Variants in SP3 observed in about 807,000 individuals in gnomAD.
SP3 encodes transcription factor Sp3.
In SP3, 10 loss-of-function variants were observed where a neutral mutation model predicts 70.3. The ratio of observed to expected loss-of-function variants is 0.14; its 90% CI spans 0.09 to 0.24. The LOEUF (loss-of-function observed/expected upper bound fraction) is 0.24, where lower values mean the gene tolerates loss of function less well. Among genes scored for constraint, SP3 ranks in the 10% least tolerant of loss-of-function variants. The probability of loss-of-function intolerance (pLI) is 1.00; values close to 1 mark genes in which losing one functional copy is unlikely to be tolerated. For missense variants in SP3, 825 were observed against 914.6 expected, an observed-to-expected ratio of 0.90 and a Z score of 1.26; for synonymous variants, 402 against 333.5, an observed-to-expected ratio of 1.21 and a Z score of -2.24.
intron 3 of SP3, chr2:173,963,030 G>C (rs1691135690): frequency 6.6e-6 from 1 of 152,140 alleles, no homozygotes; most frequent in African/African-American, 2.4e-5. Flanking sequence ...TCAGCTATAA[G>C]TATTGTACTA....
At chr2:173,935,980 C>T (rs977340217) in intron 4 of SP3, among the ~76,000 whole-genome samples, 13 of 151,328 alleles carry the variant, frequency 8.6e-5, no homozygotes, top group Non-Finnish European at 1.5e-4. Flanking sequence ...TTCCTTCCTT[C>T]CTTACTTTCT....
chr2:173,955,450 A>G lies in SP3; in HGVS notation c.1062T>C (p.Asn354=). 1.2e-6 allele frequency: 2 copies of G among 1,614,124 alleles called. No homozygotes were observed. Among genetic ancestry groups the G allele is most frequent in the Non-Finnish European group, 1.7e-6 (2 of 1,180,024 alleles). Residue 354 remains asparagine (N), a synonymous_variant, in exon 4 of 7, where the codon AAT becomes AAC. Transcript: ENST00000310015. The stretch of plus-strand genomic sequence containing the variant: ...CCTGCCCACTAGATGTAGTCAAGCT[A>G]TTTGTGTTTTGTTGTAATATACCTG... The part of the protein sequence containing the change: ...DSTGILQQNT[N]SLTTSSGQVH...
At position 173,955,171 on chromosome 2, in the gene SP3, G is replaced by C. The variant is rs1474980945; in HGVS notation, c.1341C>G (p.Thr447=). Residue 447 remains threonine (T), a synonymous_variant, in exon 4 of 7, where the codon ACC becomes ACG. Transcript: ENST00000310015. The part of the protein sequence containing the change: ...QNLQLQLNPG[T]FLIQAQTVTP... ...TCACTGTCTGTGCCTGAATTAAAAAGGTTCCAGGATTCAGCTGCAACTGAA... is the reference window on the plus strand; with the variant it reads ...TCACTGTCTGTGCCTGAATTAAAAACGTTCCAGGATTCAGCTGCAACTGAA... 1.9e-6 allele frequency: 3 copies of C among 1,614,166 alleles called. No individual in the cohort carries two copies. The highest frequency in any genetic ancestry group is 2.5e-6 in the Non-Finnish European group (3 of 1,180,036).
intron 4 of SP3, among the ~76,000 whole-genome samples, chr2:173,940,760 C>T (rs1690349535): frequency 6.6e-6 from 1 of 152,210 alleles, no homozygotes; most frequent in South Asian, 2.1e-4. Flanking sequence ...ATGACCACTT[C>T]ATACCTTCTT....
chr2:173,954,726 G>A (rs1690822175), intron 4 of SP3, 147 bp downstream of exon 4: 1 of 732,670 alleles, frequency 1.4e-6, no homozygotes, highest in Non-Finnish European at 2.2e-6. Context: ...ATACTTTGAT[G>A]TCTACTTTCA....
Position 173,965,327 on chromosome 2 carries a change from A to G in SP3, c.-156T>C. The G allele has an allele frequency of 1.2e-6, 1 of 858,336 alleles. No individual in the cohort carries two copies. 53.2% of individuals were successfully genotyped at this position (858,336 alleles called of 1,614,324 possible). Reference sequence around the variant, plus strand: ...TCCTATTTTGATTGACTGTGCGGGAAACACAAAAGGTGGAGCCTCCAGCCC... The same window carrying G: ...TCCTATTTTGATTGACTGTGCGGGAGACACAAAAGGTGGAGCCTCCAGCCC... On this transcript the variant is annotated 5_prime_UTR_variant, in exon 1 of 7. Transcript: ENST00000310015.
At chr2:173,920,762 T>C (rs1231301405) in intron 4 of SP3, among the ~76,000 whole-genome samples, 2 of 152,174 alleles carry the variant, frequency 1.3e-5, no homozygotes, top group African/African-American at 4.8e-5. Flanking sequence ...AGCTAGTTTT[T>C]GTATTTTTAG....
chr2:173,948,245 GT>G (rs1447372535), intron 4 of SP3, among the ~76,000 whole-genome samples: 1 of 152,102 alleles, frequency 6.6e-6, no homozygotes, highest in African/African-American at 2.4e-5. Context: ...TTCCACAATG[GT>G]TTGTTACCCA....
chr2:173,925,082 T>C (rs1007002232), intron 4 of SP3, among the ~76,000 whole-genome samples: 5 of 152,174 alleles, frequency 3.3e-5, no homozygotes, highest in Non-Finnish European at 4.4e-5. Flanking sequence ...GAGACCGAGT[T>C]TCGCCATGTT....
At chr2:173,954,022 A>G (rs1166728253) in intron 4 of SP3, among the ~76,000 whole-genome samples, 5 of 152,230 alleles carry the variant, frequency 3.3e-5, no homozygotes, top group African/African-American at 4.8e-5. Flanking sequence ...AAGTGTCCCA[A>G]TTTAAGAGTT....
Position 173,908,734 on chromosome 2 carries a change from T to C in SP3, c.*1207A>G, listed in dbSNP as rs1034668820. ...GCTCTTACAAGACCAGCAATGTAAC[T>C]TTATTTTGTACATTTTTGAATTGAA... On this transcript the variant is annotated 3_prime_UTR_variant, in exon 7 of 7. Transcript: ENST00000310015. 6.6e-6 allele frequency: 1 copy of C among 152,368 alleles called. No individual in the cohort carries two copies. The highest frequency in any genetic ancestry group is 1.5e-5 in the Non-Finnish European group (1 of 67,868). 9.4% of individuals were successfully genotyped at this position (152,368 alleles called of 1,614,324 possible).
Position 173,965,349 on chromosome 2 carries a change from G to A in SP3, c.-178C>T, listed in dbSNP as rs1691261342. 2.9e-6 allele frequency: 2 copies of A among 691,530 alleles called. No homozygotes were observed. The highest frequency in any genetic ancestry group is 4.8e-6 in the Non-Finnish European group (2 of 414,098). 42.8% of individuals were successfully genotyped at this position (691,530 alleles called of 1,614,324 possible). On this transcript the variant is annotated 5_prime_UTR_variant, in exon 1 of 7. Coordinates refer to ENST00000310015, the MANE Select transcript of SP3 (RefSeq NM_003111.5). ...GGAAACACAAAAGGTGGAGCCTCCA[G>A]CCCAAAAGGGGGGAAGAGGGTGACA...
chr2:173,936,003 A>AT (rs1429231505), intron 4 of SP3, among the ~76,000 whole-genome samples: 1 of 152,032 alleles, frequency 6.6e-6, no homozygotes, highest in Non-Finnish European at 1.5e-5. Context: ...CTGTTTAAAT[A>AT]AAGTAGCCCC....
intron 4 of SP3, among the ~76,000 whole-genome samples, chr2:173,920,455 T>C (rs192577596): frequency 6.6e-6 from 1 of 152,098 alleles, no homozygotes; most frequent in African/African-American, 2.4e-5. Flanking sequence ...TCAAGCAAAT[T>C]CATCAACTGT....
At chr2:173,963,382 C>G (rs1162235582) in intron 3 of SP3, 2 of 152,236 alleles carry the variant, frequency 1.3e-5, no homozygotes, top group Non-Finnish European at 2.9e-5. Flanking sequence ...ATAATAAAAA[C>G]TAAAGACATT....
chr2:173,939,013 T>C (rs775354989), intron 4 of SP3, among the ~76,000 whole-genome samples: 9 of 152,078 alleles, frequency 5.9e-5, no homozygotes, highest in Non-Finnish European at 1.2e-4. Flanking sequence ...CTCCTCAACA[T>C]CCTACAATGC....
chr2:173,954,835 C>G (rs747909002), intron 4 of SP3, 38 bp downstream of exon 4: 2 of 1,588,602 alleles, frequency 1.3e-6, no homozygotes, highest in East Asian at 2.3e-5. Context: ...TGTATTATCA[C>G]TGAACTTATT....
At chr2:173,932,618 G>C (rs1690097701) in intron 4 of SP3, among the ~76,000 whole-genome samples, 1 of 152,096 alleles carries the variant, frequency 6.6e-6, no homozygotes, top group African/African-American at 2.4e-5. Flanking sequence ...ACCTTCTATG[G>C]GTGCATGGTC....
intron 4 of SP3, among the ~76,000 whole-genome samples, chr2:173,953,842 A>T (rs146726155): frequency 7.8e-4 from 118 of 151,156 alleles, no homozygotes; most frequent in African/African-American, 2.7e-3. Flanking sequence ...CCCAACCCCT[A>T]AAAAAAAATA....
Sources: allele counts gnomAD v4.1 joint callset (sites outside exome capture counted in the v4.1 genomes callset), GRCh38; gene constraint gnomAD v4.1.1; transcripts MANE v1.5; gene names NCBI Gene and HGNC (gene_info 2026-07-23, HGNC 2026-07-21).